Variants in HMG20A observed in about 807,000 individuals in gnomAD.
HMG20A encodes the protein high mobility group 20A, also known as high mobility group protein 20A.
Under a neutral mutation model 43.9 loss-of-function variants are expected in HMG20A, and 17 were observed. The ratio of observed to expected loss-of-function variants is 0.39; its 90% CI spans 0.27 to 0.58. The LOEUF (loss-of-function observed/expected upper bound fraction) is 0.58, where lower values mean the gene tolerates loss of function less well. HMG20A is among the 20% of genes least tolerant of loss of function. The probability of loss-of-function intolerance (pLI) is 0.59; values close to 1 mark genes in which losing one functional copy is unlikely to be tolerated. For missense variants in HMG20A, 341 were observed against 438.2 expected, an observed-to-expected ratio of 0.78 and a Z score of 1.98; for synonymous variants, 132 against 147.5, an observed-to-expected ratio of 0.89 and a Z score of 0.76.
In HMG20A at chr15:77,462,098, T is replaced by C. The variant is rs1206241196; in HGVS notation, c.90-2142T>C. On this transcript the variant is annotated intron_variant, in intron 2 of 9. Transcript: ENST00000336216. ...CAGTCCCAGGACAGTCTGCTTCCTGTTTTCATCCATTTCTCGGTCCACTGT... is the reference window on the plus strand; with the variant it reads ...CAGTCCCAGGACAGTCTGCTTCCTGCTTTCATCCATTTCTCGGTCCACTGT... Among the ~76,000 whole-genome samples the C allele has an allele frequency of 2.0e-5, 3 of 152,182 alleles. No individual in the cohort carries two copies. In the East Asian group the frequency reaches 5.8e-4, roughly 29 times the overall value.
chr15:77,439,339 A>G (rs989580611), intron 1 of HMG20A, among the ~76,000 whole-genome samples: 4 of 152,182 alleles, frequency 2.6e-5, no homozygotes, highest in Non-Finnish European at 5.9e-5. Flanking sequence ...ATTTTTACAT[A>G]GATATATATG....
At chr15:77,495,896 C>A in the HMG20A span, among the ~76,000 whole-genome samples, 3 of 152,186 alleles carry the variant, frequency 2.0e-5, no homozygotes, top group East Asian at 1.9e-4. Context: ...CTCCTTCCCC[C>A]ACTGCAGCCC....
At chr15:77,490,002 G>A (rs769320163), downstream of HMG20A, among the ~76,000 whole-genome samples, 8 of 152,282 alleles carry the variant, frequency 5.3e-5, no homozygotes, top group Non-Finnish European at 8.8e-5. Flanking sequence ...TAGGCCGGGC[G>A]TGGTGGCTCA....
At chr15:77,443,369 TGA>T (rs1491415324) in intron 1 of HMG20A, among the ~76,000 whole-genome samples, 79 of 130,764 alleles carry the variant, frequency 6.0e-4, no homozygotes, top group South Asian at 1.2e-3. Flanking sequence ...ATGATGATGA[TGA>T]TGATGATGAT....
Position 77,465,260 on chromosome 15 carries a change from CAAAAAAAAAAAAAAA to C in HMG20A, c.237+884_237+898del, listed in dbSNP as rs71145837. ...TGGGCTACAGAGCGAGACTTCGTCTCAAAAAAAAAAAAAAAAAAAAAAAAAGAAAGAAAAAAACAA... is the reference window on the plus strand; with the variant it reads ...TGGGCTACAGAGCGAGACTTCGTCTCAAAAAAAAAAGAAAGAAAAAAACAA... On this transcript the variant is annotated intron_variant, in intron 3 of 9. Coordinates refer to ENST00000336216, the MANE Select transcript of HMG20A (RefSeq NM_001304504.2). 6.8e-5 allele frequency among the ~76,000 whole-genome samples: 4 copies of C among 59,218 alleles called. No individual in the cohort carries two copies. In the East Asian group the frequency reaches 2.5e-3, roughly 37 times the overall value. 38.8% of individuals were successfully genotyped at this position (59,218 alleles called of 152,430 possible).
chr15:77,453,961 A>G (rs1380395785), intron 1 of HMG20A, among the ~76,000 whole-genome samples: 1 of 151,770 alleles, frequency 6.6e-6, no homozygotes, highest in Non-Finnish European at 1.5e-5. Context: ...GCTTGAGGCT[A>G]GGAATTCAAG....
Position 77,458,435 on chromosome 15 carries a change from C to A in HMG20A, c.28C>A (p.Leu10Ile), listed in dbSNP as rs1258048187. 1 of 1,613,290 alleles carries A rather than the reference C, an allele frequency of 6.2e-7. No individual in the cohort carries two copies. The highest frequency in any genetic ancestry group is 8.5e-7 in the Non-Finnish European group (1 of 1,179,430). ...GGAAAACTTGATGACTAGCTCCACC[C>A]TACCGCCCCTTTTTGCAGATGAAGA... MENLMTSST[L>I]PPLFADEDGS... The change falls in exon 2 of 10, where the codon CTA (leucine) becomes ATA (isoleucine). Residue 10 changes from leucine (L) to isoleucine (I), a missense_variant. Physicochemically the swap from Leu to Ile is conservative, Grantham distance 5. This residue lies in a region of HMG20A where 220 missense variants were observed against 263.6 expected (regional missense o/e 0.83). Transcript: ENST00000336216.
intron 1 of HMG20A, among the ~76,000 whole-genome samples, chr15:77,451,462 G>A (rs540934594): frequency 6.6e-6 from 1 of 152,300 alleles, no homozygotes; most frequent in African/African-American, 2.4e-5. Flanking sequence ...ATTCTAATAG[G>A]TTTGTAGTGG....
chr15:77,510,873 C>T, the HMG20A span, among the ~76,000 whole-genome samples: 851 of 152,368 alleles, frequency 5.6e-3, 5 homozygotes, highest in African/African-American at 0.018. Flanking sequence ...GGCGGAAATG[C>T]GCTGAGGCCA....
chr15:77,421,506 A>G (rs902429861), intron 1 of HMG20A, among the ~76,000 whole-genome samples: 2 of 152,234 alleles, frequency 1.3e-5, no homozygotes, highest in African/African-American at 4.8e-5. Context: ...TGTGTGACTG[A>G]TGAATTGCCA....
chr15:77,449,791 A>T (rs1279297465), intron 1 of HMG20A, among the ~76,000 whole-genome samples: 4 of 152,136 alleles, frequency 2.6e-5, no homozygotes, highest in Non-Finnish European at 5.9e-5. Flanking sequence ...TGTTACAATC[A>T]ATGAACCTAT....
intron 2 of HMG20A, among the ~76,000 whole-genome samples, chr15:77,462,431 A>C (rs1275972246): frequency 6.6e-6 from 1 of 152,118 alleles, no homozygotes; most frequent in Non-Finnish European, 1.5e-5. Flanking sequence ...TTTCTGGAGA[A>C]TATCTAGCAC....
At chr15:77,462,688 A>G (rs2142331978) in intron 2 of HMG20A, among the ~76,000 whole-genome samples, 1 of 146,904 alleles carries the variant, frequency 6.8e-6, no homozygotes, top group East Asian at 2.0e-4. Context: ...ATTATCTTTG[A>G]CTCTTCCTTT....
the HMG20A span, among the ~76,000 whole-genome samples, chr15:77,496,317 G>A: frequency 6.6e-6 from 1 of 152,170 alleles, no homozygotes; most frequent in Non-Finnish European, 1.5e-5. Flanking sequence ...GCCAAGGGAA[G>A]TACCGATTGC....
intron 1 of HMG20A, 185 bp from the exon 2 acceptor site, chr15:77,458,219 G>C: frequency 2.1e-6 from 1 of 474,518 alleles, no homozygotes; most frequent in Non-Finnish European, 3.8e-6. Flanking sequence ...ATAAGACCAA[G>C]GTTAAAAGGC....
chr15:77,435,354 G>A lies in HMG20A; in HGVS notation c.-5+14350G>A, dbSNP rs138597773. Among the ~76,000 whole-genome samples the A allele has an allele frequency of 4.7e-3, 715 of 152,292 alleles. 5 individuals are homozygous for A. Among genetic ancestry groups the A allele is most frequent in the African/African-American group, 0.016 (672 of 41,564 alleles). Reference sequence around the variant, plus strand: ...GCTGGAGTGCTGTGGCGCGATCTTGGCTCACTGCAGCCTCCGCCTACTGGG... The same window carrying A: ...GCTGGAGTGCTGTGGCGCGATCTTGACTCACTGCAGCCTCCGCCTACTGGG... On this transcript the variant is annotated intron_variant, in intron 1 of 9. Coordinates refer to ENST00000336216, the MANE Select transcript of HMG20A (RefSeq NM_001304504.2).
intron 1 of HMG20A, among the ~76,000 whole-genome samples, chr15:77,454,602 T>A (rs2072637529): frequency 6.6e-6 from 1 of 152,182 alleles, no homozygotes; most frequent in Non-Finnish European, 1.5e-5. Flanking sequence ...ACATTTATAG[T>A]AATACTCTTT....
chr15:77,479,147 G>A, intron 8 of HMG20A, 32 bp from the exon 9 acceptor site: 4 of 1,609,176 alleles, frequency 2.5e-6, no homozygotes, highest in Non-Finnish European at 3.4e-6. Context: ...GAATAGGGAG[G>A]ATTTTCTTAC....
In HMG20A at chr15:77,425,983, C is replaced by T. The variant is rs537421842; in HGVS notation, c.-5+4979C>T. Among the ~76,000 whole-genome samples the T allele has an allele frequency of 2.5e-4, 38 of 152,264 alleles. No homozygotes were observed. The East Asian group carries it at 7.3e-3, about 29-fold the overall frequency. On this transcript the variant is annotated intron_variant, in intron 1 of 9. Transcript: ENST00000336216. ...AATACCTGCTGTAACATGGATAAAACTTGAAAATATTAAAGTGAAAGAAGT... is the reference window on the plus strand; with the variant it reads ...AATACCTGCTGTAACATGGATAAAATTTGAAAATATTAAAGTGAAAGAAGT...
Sources: gnomAD v4.1 joint callset for allele counts (sites outside exome capture counted in the v4.1 genomes callset) on GRCh38, gnomAD v4.1.1 for gene constraint, gnomAD v4.1.1 regional missense constraint, MANE v1.5 for transcripts, NCBI Gene and HGNC (gene_info 2026-07-23, HGNC 2026-07-21) for gene names.